Variants in GCC2 observed in about 807,000 individuals in gnomAD.
GCC2 encodes GRIP and coiled-coil domain-containing protein 2.
Under a neutral mutation model 210.6 loss-of-function variants are expected in GCC2, and 120 were observed. The observed-to-expected ratio is 0.57, with a 90% CI of 0.49 to 0.66. GCC2 has a LOEUF of 0.66. GCC2 is among the 30% of genes least tolerant of loss of function. The pLI is 0.00. For synonymous variants in GCC2, 703 were observed against 652.7 expected (o/e 1.08, Z -1.17); for missense variants, 1,868 against 1,871.9 (o/e 1.00, Z 0.04).
intron 22 of GCC2, among the ~76,000 whole-genome samples, chr2:108,505,261 C>T (rs62148106): frequency 0.015 from 2,350 of 152,314 alleles, 36 homozygotes; most frequent in South Asian, 0.02. Context: ...TCGTCTGGTT[C>T]TCTTTATTCT....
chr2:108,479,480 A>C (rs978332210), intron 9 of GCC2, among the ~76,000 whole-genome samples: 2 of 152,076 alleles, frequency 1.3e-5, no homozygotes, highest in Non-Finnish European at 2.9e-5. Flanking sequence ...GTCTCTACTA[A>C]AACTGCAAAT....
Position 108,471,643 on chromosome 2 carries a change from G to A in GCC2, c.2314G>A (p.Glu772Lys). The A allele has an allele frequency of 6.2e-7, 1 of 1,613,308 alleles. No homozygotes were observed. The highest frequency in any genetic ancestry group is 1.1e-5 in the South Asian group (1 of 91,040). ...FLKEMGSEVS[E>K]DSEEKDVVNV... ...TAAAGAAATGGGATCAGAAGTTTCA[G>A]AAGACAGTGAAGAGAAAGATGTTGT... Residue 772 changes from glutamate (E) to lysine (K), a missense_variant, in exon 6 of 23, where the codon GAA becomes AAA. Transcript: ENST00000309863.
chr2:108,469,824 A>G lies in GCC2; in HGVS notation c.495A>G (p.Glu165=), dbSNP rs748938912. 1.2e-6 allele frequency: 2 copies of G among 1,613,504 alleles called. No individual in the cohort carries two copies. The highest frequency in any genetic ancestry group is 1.7e-5 in the Admixed American group (1 of 59,946). ...AAGAAGCAATGAATACGCAATTAGA[A>G]CTTTCAGAACAACTTAAATTTCAGA... The part of the protein sequence containing the change: ...QLEEAMNTQL[E]LSEQLKFQNN... The change falls in exon 6 of 23, where the codon GAA becomes GAG. Residue 165 remains glutamate (E), a synonymous_variant. Transcript: ENST00000309863.
Position 108,471,618 on chromosome 2 carries a change from TAAAG to T in GCC2, c.2293_2296del (p.Glu765TrpfsTer28), listed in dbSNP as rs1055792867. On this transcript the variant is annotated frameshift_variant, in exon 6 of 23. Coordinates refer to ENST00000309863, the MANE Select transcript of GCC2 (RefSeq NM_181453.4). LOFTEE classifies it high-confidence loss of function. ...TTAAAACTCAGTTGTATGGTTTTCT[TAAAG>T]AAATGGGATCAGAAGTTTCAGAAGA... is the stretch of plus-strand genomic sequence containing the variant. 12 of 1,613,424 alleles carry T rather than the reference TAAAG, an allele frequency of 7.4e-6. No individual in the cohort carries two copies. The highest frequency in any genetic ancestry group is 2.7e-5 in the African/African-American group (2 of 74,908).
intron 4 of GCC2, among the ~76,000 whole-genome samples, chr2:108,453,609 AC>A (rs1680077907): frequency 6.6e-6 from 1 of 152,030 alleles, no homozygotes; most frequent in Admixed American, 6.6e-5. Context: ...GCATGGTGAA[AC>A]CCTGTCTGTA....
Position 108,471,945 on chromosome 2 carries a change from G to T in GCC2, c.2616G>T (p.Arg872Ser). ...LEMKNANEKT[R>S]LENQNLLIQV... ...TGAAGAATGCTAATGAAAAAACAAGGCTTGAAAATCAGAATCTTTTAATTC... is the reference window on the plus strand; with the variant it reads ...TGAAGAATGCTAATGAAAAAACAAGTCTTGAAAATCAGAATCTTTTAATTC... Residue 872 changes from arginine to serine, a missense_variant, in exon 6 of 23, where the codon AGG becomes AGT. Transcript: ENST00000309863. The T allele has an allele frequency of 1.9e-6, 3 of 1,603,674 alleles. No homozygotes were observed. The highest frequency in any genetic ancestry group is 2.5e-6 in the Non-Finnish European group (3 of 1,177,136).
chr2:108,469,038 G>A lies in GCC2; in HGVS notation c.275G>A (p.Cys92Tyr). Residue 92 changes from cysteine (C) to tyrosine (Y), a missense_variant, in exon 5 of 23, where the codon TGT becomes TAT. Transcript: ENST00000309863. ...GAAAAAGCAGAGACTGAGCAACAGTGTCTTTCTCTGAAAAAGGAAAATATA... is the reference window on the plus strand; with the variant it reads ...GAAAAAGCAGAGACTGAGCAACAGTATCTTTCTCTGAAAAAGGAAAATATA... ...LLEKAETEQQ[C>Y]LSLKKENIKM... 1 of 1,612,848 alleles carries A rather than the reference G, an allele frequency of 6.2e-7. No homozygotes were observed. Among genetic ancestry groups the A allele is most frequent in the Non-Finnish European group, 8.5e-7 (1 of 1,179,018 alleles).
intron 4 of GCC2, among the ~76,000 whole-genome samples, chr2:108,452,939 G>A (rs1008009959): frequency 3.3e-5 from 5 of 152,154 alleles, no homozygotes; most frequent in Admixed American, 6.5e-5. Context: ...CGATCCGCCC[G>A]CCTCAGCCTC....
chr2:108,501,221 G>C (rs1394039815), intron 22 of GCC2, among the ~76,000 whole-genome samples: 35 of 151,996 alleles, frequency 2.3e-4, no homozygotes, highest in Admixed American at 1.4e-3. Flanking sequence ...TCCTGACCTT[G>C]TGATCTGCCC....
chr2:108,481,951 TAGGAG>T, intron 10 of GCC2, 135 bp downstream of exon 10: 2 of 624,058 alleles, frequency 3.2e-6, no homozygotes, highest in South Asian at 2.4e-5. Flanking sequence ...CCTTCCCACT[TAGGAG>T]AGAAGAATAA....
In GCC2 at chr2:108,465,014, CAG is replaced by C. The variant is rs140758726; in HGVS notation, c.217-3963_217-3962del. ...TTTAAACAACCAAATCTTGTGAACT[CAG>C]AGTGAGAGCTCACTTTTCACCAAGG... On this transcript the variant is annotated intron_variant, in intron 4 of 22. Coordinates refer to ENST00000309863, the MANE Select transcript of GCC2 (RefSeq NM_181453.4). Among the ~76,000 whole-genome samples, 67 of 152,274 alleles carry C rather than the reference CAG, an allele frequency of 4.4e-4. 2 individuals carry two copies. The East Asian group carries it at 0.013, about 29-fold the overall frequency.
At position 108,484,138 on chromosome 2, in the gene GCC2, A is replaced by T. The variant is rs1682010485; in HGVS notation, c.3451-11A>T. ...ACTATTGTGTAAATCTTTTACTTAT[A>T]AAATGTGCAGGATGCCCAACAAACC... On this transcript the variant is annotated splice_polypyrimidine_tract_variant and intron_variant, in intron 12 of 22. Coordinates refer to ENST00000309863, the MANE Select transcript of GCC2 (RefSeq NM_181453.4). The T allele has an allele frequency of 6.4e-7, 1 of 1,552,168 alleles. No individual in the cohort carries two copies. The highest frequency in any genetic ancestry group is 1.4e-5 in the African/African-American group (1 of 71,682).
At chr2:108,458,024 T>C (rs983142691) in intron 4 of GCC2, among the ~76,000 whole-genome samples, 1 of 152,202 alleles carries the variant, frequency 6.6e-6, no homozygotes, top group Admixed American at 6.5e-5. Flanking sequence ...ATTTTCAGCT[T>C]TTCCCCATTT....
Position 108,478,302 on chromosome 2 carries a change from C to T in GCC2, c.3060+2452C>T, listed in dbSNP as rs571979369. 2.5e-4 allele frequency among the ~76,000 whole-genome samples: 38 copies of T among 151,872 alleles called. 1 individual carries two copies. Among genetic ancestry groups the T allele is most frequent in the East Asian group, 1.2e-3 (6 of 5,182 alleles). The stretch of plus-strand genomic sequence containing the variant: ...TATTTTCATATGTAATATAAACTTA[C>T]GTATAAAAATGTGACAGGATTTAAG... On this transcript the variant is annotated intron_variant, in intron 9 of 22. Transcript: ENST00000309863.
At chr2:108,476,037 C>T (rs1681497217) in intron 9 of GCC2, among the ~76,000 whole-genome samples, 187 bp downstream of exon 9, 1 of 134,914 alleles carries the variant, frequency 7.4e-6, no homozygotes, top group South Asian at 2.4e-4. Flanking sequence ...AGTGGTTAAG[C>T]TTTAAATAGT....
chr2:108,485,929 GA>G, intron 15 of GCC2, 21 bp downstream of exon 15: 1 of 1,354,834 alleles, frequency 7.4e-7, no homozygotes, highest in East Asian at 2.4e-5. Flanking sequence ...TACTTTTTAA[GA>G]TTAAAAAAAT....
At chr2:108,461,247 TG>T (rs1323921246) in intron 4 of GCC2, among the ~76,000 whole-genome samples, 2 of 152,274 alleles carry the variant, frequency 1.3e-5, no homozygotes, top group East Asian at 3.9e-4. Flanking sequence ...GTAAGTCTGA[TG>T]GGGGTTCCTT....
chr2:108,460,052 T>A (rs1339449292), intron 4 of GCC2, among the ~76,000 whole-genome samples: 2 of 152,114 alleles, frequency 1.3e-5, no homozygotes, highest in African/African-American at 4.8e-5. Flanking sequence ...GGTTTCACCA[T>A]GTTGGCCAGG....
In GCC2 at chr2:108,470,184, G is replaced by A. The variant is rs779282384; in HGVS notation, c.855G>A (p.Glu285=). 3 of 1,613,206 alleles carry A rather than the reference G, an allele frequency of 1.9e-6. No homozygotes were observed. Among genetic ancestry groups the A allele is most frequent in the Non-Finnish European group, 2.5e-6 (3 of 1,179,720 alleles). ...AAGAGAACTTAGTAAAACAATGTGA[G>A]GCAAGTGAAAAGAACATCCAGAAGA... The part of the protein sequence containing the change: ...ELKENLVKQC[E]ASEKNIQKKY... Residue 285 remains glutamate (E), a synonymous_variant, in exon 6 of 23, where the codon GAG becomes GAA. Transcript: ENST00000309863.
Sources: allele counts gnomAD v4.1 joint callset (sites outside exome capture counted in the v4.1 genomes callset), GRCh38; gene constraint gnomAD v4.1.1; transcripts MANE v1.5; gene names NCBI Gene and HGNC (gene_info 2026-07-23, HGNC 2026-07-21).